The following MCM9 variants were observed in gnomAD, a reference collection of about 807,000 sequenced individuals.
MCM9 encodes the protein minichromosome maintenance 9 homologous recombination repair factor.
MCM9 carries 55 observed loss-of-function variants against 72.8 expected under a neutral mutation model. The ratio of observed to expected loss-of-function variants is 0.76; its 90% CI spans 0.61 to 0.95. MCM9 has a LOEUF of 0.95. MCM9 is among the 40% of genes least tolerant of loss of function. The pLI is 0.00. For missense variants in MCM9, 1,279 were observed against 1,377.0 expected (o/e 0.93, Z 1.13); for synonymous variants, 480 against 503.4 (o/e 0.95, Z 0.62).
chr6:118,885,358 C>G (rs1778536020), intron 8 of MCM9, among the ~76,000 whole-genome samples: 1 of 151,816 alleles, frequency 6.6e-6, no homozygotes, highest in Non-Finnish European at 1.5e-5. Flanking sequence ...AATATTAAAG[C>G]AGAAATTACT....
intron 8 of MCM9, among the ~76,000 whole-genome samples, chr6:118,868,854 G>T (rs1420400539): frequency 6.6e-6 from 1 of 152,208 alleles, no homozygotes; most frequent in East Asian, 1.9e-4. Context: ...GGAAGACAGT[G>T]TGGTGATTCC....
chr6:118,870,382 T>A (rs577449499), intron 8 of MCM9, among the ~76,000 whole-genome samples: 5 of 151,630 alleles, frequency 3.3e-5, no homozygotes, highest in African/African-American at 1.2e-4. Flanking sequence ...TTAAGCAATA[T>A]GCTTCTGAAC....
At chr6:118,871,311 G>A (rs1777580124) in intron 8 of MCM9, among the ~76,000 whole-genome samples, 1 of 152,152 alleles carries the variant, frequency 6.6e-6, no homozygotes, top group South Asian at 2.1e-4. Flanking sequence ...CAGGTTACAA[G>A]GTTGGTTCCA....
At chr6:118,893,929 G>GCAGCCACGCCTCCCCGCCT in intron 8 of MCM9, 1 of 807,304 alleles carries the variant, frequency 1.2e-6, no homozygotes, top group South Asian at 5.4e-5. Context: ...CCCTCCCGCC[G>GCAGCCACGCCTCCCCGCCT]CAGCCACGCC....
intron 8 of MCM9, among the ~76,000 whole-genome samples, chr6:118,885,109 C>T (rs1778517667): frequency 1.3e-5 from 2 of 151,998 alleles, no homozygotes; most frequent in Non-Finnish European, 2.9e-5. Flanking sequence ...GGCAGGAGAA[C>T]GGGGTGAACC....
chr6:118,908,934 T>A (rs1780349281), intron 8 of MCM9: 3 of 152,628 alleles, frequency 2.0e-5, no homozygotes, highest in Admixed American at 2.0e-4. Context: ...CTGAGTTGTA[T>A]ATATTTCCTA....
At chr6:118,843,639 A>C (rs1361625178) in intron 9 of MCM9, among the ~76,000 whole-genome samples, 1 of 3,428 alleles carries the variant, frequency 2.9e-4, no homozygotes, top group African/African-American at 6.2e-4. Flanking sequence ...AACAAAACAA[A>C]ACATATATAT....
intron 8 of MCM9, chr6:118,907,844 T>C: frequency 4.6e-6 from 2 of 430,738 alleles, no homozygotes; most frequent in Non-Finnish European, 8.3e-6. Flanking sequence ...GAAACTAATC[T>C]GATTAAAGCA....
At chr6:118,877,432 A>G (rs1778005380) in intron 8 of MCM9, among the ~76,000 whole-genome samples, 1 of 152,234 alleles carries the variant, frequency 6.6e-6, no homozygotes, top group African/African-American at 2.4e-5. Flanking sequence ...GTCAATAAAC[A>G]CATGAAAAGG....
intron 8 of MCM9, among the ~76,000 whole-genome samples, chr6:118,880,061 AC>A (rs1778191454): frequency 1.3e-5 from 2 of 151,864 alleles, no homozygotes; most frequent in Non-Finnish European, 2.9e-5. Flanking sequence ...CAAAAAAAAA[AC>A]ACCAAAGAAA....
intron 13 of MCM9, among the ~76,000 whole-genome samples, chr6:118,819,978 A>T (rs1773685275): frequency 6.6e-6 from 1 of 151,818 alleles, no homozygotes; most frequent in African/African-American, 2.4e-5. Context: ...CCCCTTTATC[A>T]TTTTTTTATT....
intron 8 of MCM9, among the ~76,000 whole-genome samples, chr6:118,860,503 G>T (rs959215445): frequency 6.6e-6 from 1 of 152,082 alleles, no homozygotes; most frequent in African/African-American, 2.4e-5. Flanking sequence ...GGGAATAAAA[G>T]AATAACAATA....
intron 9 of MCM9, among the ~76,000 whole-genome samples, chr6:118,835,503 G>C (rs987767547): frequency 2.6e-5 from 4 of 152,048 alleles, no homozygotes; most frequent in Non-Finnish European, 5.9e-5. Context: ...TTTTCCATTT[G>C]TTTCTGTCCT....
At chr6:118,894,178 C>CA in intron 8 of MCM9, 1 of 1,289,080 alleles carries the variant, frequency 7.8e-7, no homozygotes, top group East Asian at 3.2e-5. Flanking sequence ...CAATCGAGGG[C>CA]AACGCTGCTA....
At chr6:118,890,987 C>T (rs1375732663) in intron 8 of MCM9, among the ~76,000 whole-genome samples, 1 of 152,200 alleles carries the variant, frequency 6.6e-6, no homozygotes, top group Non-Finnish European at 1.5e-5. Context: ...GGCTGACACT[C>T]AATTTAATTC....
At chr6:118,898,142 T>C (rs1373312529) in intron 8 of MCM9, among the ~76,000 whole-genome samples, 1 of 152,180 alleles carries the variant, frequency 6.6e-6, no homozygotes, top group East Asian at 1.9e-4. Context: ...GATGTACAAA[T>C]TATGAATTTG....
At chr6:118,926,862 G>C (rs1781939027) in intron 3 of MCM9, among the ~76,000 whole-genome samples, 1 of 152,068 alleles carries the variant, frequency 6.6e-6, no homozygotes, top group Non-Finnish European at 1.5e-5. Flanking sequence ...TTTTATGTTT[G>C]CAAACAGTCA....
intron 8 of MCM9, among the ~76,000 whole-genome samples, chr6:118,899,930 T>G (rs1779689190): frequency 6.6e-6 from 1 of 152,240 alleles, no homozygotes; most frequent in Non-Finnish European, 1.5e-5. Flanking sequence ...CAAAGTTATC[T>G]TCTTCCTCAG....
intron 8 of MCM9, among the ~76,000 whole-genome samples, chr6:118,890,802 AAACT>A (rs1562425023): frequency 6.6e-6 from 1 of 152,216 alleles, no homozygotes; most frequent in Non-Finnish European, 1.5e-5. Flanking sequence ...GGAGCCTCTT[AAACT>A]AACTAAAGAC....
Sources: allele counts gnomAD v4.1 joint callset (sites outside exome capture counted in the v4.1 genomes callset), GRCh38; gene constraint gnomAD v4.1.1; transcripts MANE v1.5; gene names NCBI Gene and HGNC (gene_info 2026-07-23, HGNC 2026-07-21).